TAOK3: variants seen among roughly 807,000 people sequenced by gnomAD.
TAOK3 encodes the protein TAO kinase 3.
TAOK3 carries 40 observed loss-of-function variants against 120.4 expected under a neutral mutation model. The ratio of observed to expected loss-of-function variants is 0.33; its 90% CI spans 0.26 to 0.43. The LOEUF (loss-of-function observed/expected upper bound fraction) is 0.43. Ranked by LOEUF, TAOK3 falls within the 20% of genes least tolerant of loss-of-function variation. The pLI, the probability that TAOK3 is intolerant of heterozygous loss-of-function variation, is 1.00. For missense variants in TAOK3, 821 were observed against 1,112.1 expected (o/e 0.74, Z 3.72); for synonymous variants, 355 against 387.5 (o/e 0.92, Z 0.99).
chr12:118,181,426 G>A lies in TAOK3; in HGVS notation c.1511C>T (p.Ser504Leu), dbSNP rs1324800666. 3.7e-6 allele frequency: 6 copies of A among 1,614,050 alleles called. No individual in the cohort carries two copies. The highest frequency in any genetic ancestry group is 1.1e-5 in the South Asian group (1 of 91,086). The change falls in exon 15 of 21, where the codon TCG (serine) becomes TTG (leucine). Residue 504 changes from serine to leucine, a missense_variant. This residue lies in a region of TAOK3 where 354 missense variants were observed against 572.1 expected (regional missense o/e 0.62). Coordinates refer to ENST00000392533, the MANE Select transcript of TAOK3 (RefSeq NM_016281.4). Reference sequence around the variant, plus strand: ...GGCCAGCTTCTCCAGCTCGATGGACGAGTTGTTGGCATGCGTCTCCACCTC... The same window carrying A: ...GGCCAGCTTCTCCAGCTCGATGGACAAGTTGTTGGCATGCGTCTCCACCTC... ...QKEVETHANN[S>L]SIELEKLAKK...
At chr12:118,228,896 T>C (rs1388899055) in intron 9 of TAOK3, among the ~76,000 whole-genome samples, 1 of 152,204 alleles carries the variant, frequency 6.6e-6, no homozygotes, top group Non-Finnish European at 1.5e-5. Flanking sequence ...TTAGGTTTCC[T>C]CTTCAATGAA....
At chr12:118,264,023 G>A (rs1032030328) in intron 2 of TAOK3, among the ~76,000 whole-genome samples, 6 of 152,204 alleles carry the variant, frequency 3.9e-5, no homozygotes, top group Admixed American at 3.3e-4. Context: ...CCAAGATTGT[G>A]CCATTGCACT....
chr12:118,238,961 G>T lies in TAOK3; in HGVS notation c.340+266C>A, dbSNP rs560246812. Among the ~76,000 whole-genome samples, 633 of 152,208 alleles carry T rather than the reference G, an allele frequency of 4.2e-3. 2 individuals carry two copies. Among genetic ancestry groups the T allele is most frequent in the Non-Finnish European group, 7.9e-3 (534 of 68,020 alleles). On this transcript the variant is annotated intron_variant, in intron 6 of 20. Transcript: ENST00000392533. ...ATATACCCATGAATATGATGTTTTT[G>T]GCTACATGTACCATATCACATTAGC... is the stretch of plus-strand genomic sequence containing the variant.
At chr12:118,348,454 CTT>C (rs1168127251) in intron 1 of TAOK3, among the ~76,000 whole-genome samples, 8 of 145,130 alleles carry the variant, frequency 5.5e-5, no homozygotes, top group Non-Finnish European at 3.0e-5. Flanking sequence ...TTCTTTCTTT[CTT>C]TTTTTTTTTT....
intron 13 of TAOK3, among the ~76,000 whole-genome samples, chr12:118,195,202 C>G (rs2037653845): frequency 6.6e-6 from 1 of 151,950 alleles, no homozygotes; most frequent in African/African-American, 2.4e-5. Flanking sequence ...CCTAAAATAA[C>G]ACTGATTCAA....
At chr12:118,355,926 A>C (rs2045370531) in intron 1 of TAOK3, among the ~76,000 whole-genome samples, 1 of 152,222 alleles carries the variant, frequency 6.6e-6, no homozygotes, top group Non-Finnish European at 1.5e-5. Context: ...CAAAGTCACA[A>C]AGCTAGTAGG....
chr12:118,262,727 T>TGAGGCAGGAGAATCGCTTGAAACCGG lies in TAOK3; in HGVS notation c.-89+3902_-89+3927dup, dbSNP rs1480833195. On this transcript the variant is annotated intron_variant, in intron 2 of 20. Coordinates refer to ENST00000392533, the MANE Select transcript of TAOK3 (RefSeq NM_016281.4). ...CTGTAATCCCAGCTACTTGGGAGGCTGAGGCAGGAGAATCGCTTGAAACCG... is the reference window on the plus strand; with the variant it reads ...CTGTAATCCCAGCTACTTGGGAGGCTGAGGCAGGAGAATCGCTTGAAACCGGGAGGCAGGAGAATCGCTTGAAACCG... 1.4e-3 allele frequency among the ~76,000 whole-genome samples: 208 copies of TGAGGCAGGAGAATCGCTTGAAACCGG among 149,420 alleles called. 2 individuals are homozygous for TGAGGCAGGAGAATCGCTTGAAACCGG. The highest frequency in any genetic ancestry group is 2.5e-3 in the Non-Finnish European group (170 of 67,768).
intron 17 of TAOK3, among the ~76,000 whole-genome samples, chr12:118,163,610 T>TA (rs879880335): frequency 9.6e-4 from 124 of 129,418 alleles, no homozygotes; most frequent in Admixed American, 3.1e-3. Context: ...ACGTCCAAAT[T>TA]AAAAAAAAAA....
chr12:118,183,301 T>C (rs1363649050), intron 14 of TAOK3, among the ~76,000 whole-genome samples: 1 of 152,138 alleles, frequency 6.6e-6, no homozygotes, highest in East Asian at 1.9e-4. Context: ...AACAAGAGAG[T>C]GCTGTTCTGT....
intron 17 of TAOK3, among the ~76,000 whole-genome samples, chr12:118,162,780 CCTTTTCTTTCTTTCTTTCTTT>C (rs2035308825): frequency 1.3e-5 from 2 of 152,100 alleles, no homozygotes; most frequent in African/African-American, 4.8e-5. Flanking sequence ...TTTCTTTCTT[CCTTTTCTTTCTTTCTTTCTTT>C]GGTATTGAAG....
intron 1 of TAOK3, chr12:118,295,133 C>G (rs80121065): frequency 7.7e-6 from 1 of 129,192 alleles, no homozygotes; most frequent in South Asian, 2.2e-4. Flanking sequence ...CTCTGCCTAC[C>G]GGGTTCAAGC....
rs1372639962 is a variant in TAOK3, at chr12:118,266,680, C to A, written c.-114G>T. 7.5e-6 allele frequency: 3 copies of A among 397,826 alleles called. No individual in the cohort carries two copies. The East Asian group carries it at 1.1e-4, about 14-fold the overall frequency. 24.6% of individuals were successfully genotyped at this position (397,826 alleles called of 1,614,324 possible). A position where few individuals can be genotyped will look rare whatever the true frequency, so the allele number is the denominator to read the frequency against. On this transcript the variant is annotated 5_prime_UTR_variant, in exon 2 of 21. An upstream open reading frame in the 5' UTR gains an earlier in-frame stop. Coordinates refer to ENST00000392533, the MANE Select transcript of TAOK3 (RefSeq NM_016281.4). Reference sequence around the variant, plus strand: ...CTTTTTGTGTGTGGCACAAAATATTCCATATTGCTCAGATTCATTTTAGCA... The same window carrying A: ...CTTTTTGTGTGTGGCACAAAATATTACATATTGCTCAGATTCATTTTAGCA...
At chr12:118,360,822 C>A (rs1389383074) in intron 1 of TAOK3, among the ~76,000 whole-genome samples, 2 of 152,106 alleles carry the variant, frequency 1.3e-5, no homozygotes, top group Non-Finnish European at 2.9e-5. Flanking sequence ...TACTAAGAAG[C>A]ATTGTAATAA....
rs192221944 is a variant in TAOK3 at position 118,310,050 on chromosome 12, A to T, written c.-193-43291T>A. Among the ~76,000 whole-genome samples the T allele has an allele frequency of 2.6e-4, 40 of 152,232 alleles. No homozygotes were observed. In the East Asian group the frequency reaches 6.8e-3, roughly 26 times the overall value. The stretch of plus-strand genomic sequence containing the variant: ...AGCATTTTGGGAGGCTGAGGCAGGC[A>T]GATCGCTTGAGCCCAGGAGTTTGAG... On this transcript the variant is annotated intron_variant, in intron 1 of 20. Transcript: ENST00000392533.
intron 1 of TAOK3, among the ~76,000 whole-genome samples, chr12:118,363,455 A>G (rs2045659146): frequency 6.6e-6 from 1 of 152,186 alleles, no homozygotes; most frequent in Non-Finnish European, 1.5e-5. Context: ...AAGAATATGG[A>G]TATCTAAGAA....
intron 14 of TAOK3, among the ~76,000 whole-genome samples, chr12:118,189,582 GT>G (rs57146377): frequency 4.3e-5 from 6 of 140,628 alleles, no homozygotes; most frequent in African/African-American, 1.6e-4. Flanking sequence ...ACACACAAAG[GT>G]TTTTTTTTTT....
rs569298329 is a variant in TAOK3, at chr12:118,314,186, C to T, written c.-193-47427G>A. 1.4e-3 allele frequency among the ~76,000 whole-genome samples: 217 copies of T among 152,236 alleles called. 1 individual carries two copies. The highest frequency in any genetic ancestry group is 4.8e-3 in the South Asian group (23 of 4,826). ...CCTCCAACTTGCAAAAGAGTTGGGT[C>T]CCAAAAGTTCACTTCTAAGCTAAGT... On this transcript the variant is annotated intron_variant, in intron 1 of 20. Transcript: ENST00000392533.
At chr12:118,332,953 A>G (rs78457636) in intron 1 of TAOK3, among the ~76,000 whole-genome samples, 4,327 of 145,820 alleles carry the variant, frequency 0.03, 145 homozygotes, top group African/African-American at 0.069. Flanking sequence ...TTTTAAATGT[A>G]CATGCACCAA....
intron 1 of TAOK3, among the ~76,000 whole-genome samples, chr12:118,327,235 T>C (rs1264609875): frequency 6.6e-6 from 1 of 152,202 alleles, no homozygotes; most frequent in Non-Finnish European, 1.5e-5. Context: ...TACTTTGTGC[T>C]GGAGGCTTTA....
Sources: allele counts gnomAD v4.1 joint callset (sites outside exome capture counted in the v4.1 genomes callset), GRCh38; gene constraint gnomAD v4.1.1; regional missense constraint gnomAD v4.1.1; transcripts MANE v1.5; gene names NCBI Gene and HGNC (gene_info 2026-07-23, HGNC 2026-07-21).